HMCN2: variants seen among roughly 807,000 people sequenced by gnomAD.
The protein encoded by HMCN2 is hemicentin 2.
HMCN2 carries 325 observed loss-of-function variants against 377.5 expected under a neutral mutation model. That is an observed-to-expected ratio of 0.86 (90% CI 0.79 to 0.94). HMCN2 has a LOEUF of 0.94. Ranked by LOEUF, HMCN2 falls within the 40% of genes least tolerant of loss-of-function variation. The pLI is 0.00. For synonymous variants in HMCN2, 2,007 were observed against 2,046.8 expected (o/e 0.98, Z 0.53); for missense variants, 4,543 against 4,725.3 (o/e 0.96, Z 1.13).
chr9:130,290,119 A>T (rs1394423438), intron 4 of HMCN2, among the ~76,000 whole-genome samples: 2 of 152,148 alleles, frequency 1.3e-5, no homozygotes, highest in African/African-American at 4.8e-5. Flanking sequence ...CAGCCCCTCT[A>T]ACATCTGGAA....
chr9:130,352,014 G>A (rs897205684), intron 30 of HMCN2, among the ~76,000 whole-genome samples: 2 of 152,064 alleles, frequency 1.3e-5, no homozygotes, highest in Non-Finnish European at 2.9e-5. Flanking sequence ...GTTTCACCAT[G>A]TTGGCCAGGC....
Position 130,427,550 on chromosome 9 carries a change from G to A in HMCN2, c.13996G>A (p.Ala4666Thr). ...CCCCTGCTCCCATGCCTGCCTTAATGCACCCGGCCGCTTCTCCTGCACCTG... is the reference window on the plus strand; with the variant it reads ...CCCCTGCTCCCATGCCTGCCTTAATACACCCGGCCGCTTCTCCTGCACCTG... ...PSPCSHACLN[A>T]PGRFSCTCPT... The change falls in exon 92 of 98, where the codon GCA (alanine) becomes ACA (threonine). Residue 4666 changes from alanine to threonine, a missense_variant. This residue lies in a region of HMCN2 where 1,155 missense variants were observed against 1,157.7 expected (regional missense o/e 1.00). Transcript: ENST00000683500. The A allele has an allele frequency of 6.4e-7, 1 of 1,550,500 alleles. No individual in the cohort carries two copies. Among genetic ancestry groups the A allele is most frequent in the Non-Finnish European group, 8.7e-7 (1 of 1,146,980 alleles).
rs1844069574 is a variant in HMCN2, at chr9:130,422,386, C to T, written c.13232-191C>T. Among the ~76,000 whole-genome samples the T allele has an allele frequency of 6.6e-6, 1 of 152,206 alleles. No individual in the cohort carries two copies. Among genetic ancestry groups the T allele is most frequent in the Non-Finnish European group, 1.5e-5 (1 of 68,030 alleles). On this transcript the variant is annotated intron_variant, in intron 86 of 97. Transcript: ENST00000683500. The surrounding 1 kb of genome is among the most constrained non-coding windows in gnomAD (Gnocchi z 4.2). ...GCCCAGGGTTCCTCCTAACAGCCTC[C>T]CTTCCCTTTTAGAGCCAAGATCCCC...
At chr9:130,421,006 T>A (rs1843973579) in intron 86 of HMCN2, among the ~76,000 whole-genome samples, 1 of 152,178 alleles carries the variant, frequency 6.6e-6, no homozygotes, top group Non-Finnish European at 1.5e-5. Flanking sequence ...TTCTCTCCCA[T>A]AATTCAGTGA....
chr9:130,329,082 C>T (rs1160810552), intron 22 of HMCN2, among the ~76,000 whole-genome samples: 2 of 152,204 alleles, frequency 1.3e-5, no homozygotes, highest in African/African-American at 2.4e-5. Context: ...GCAGCCATCA[C>T]CATGATCAAT....
chr9:130,387,633 G>A (rs866473610), intron 61 of HMCN2, among the ~76,000 whole-genome samples: 25 of 152,232 alleles, frequency 1.6e-4, no homozygotes, highest in Admixed American at 3.9e-4. Context: ...GAGTGATCGT[G>A]GGCTCAGCTA....
In HMCN2 at chr9:130,361,966, A is replaced by C. The variant is rs1156468239; in HGVS notation, c.5951-42A>C. The C allele has an allele frequency of 1.0e-6, 1 of 984,346 alleles. No homozygotes were observed. The highest frequency in any genetic ancestry group is 1.2e-6 in the Non-Finnish European group (1 of 828,688). 61.0% of individuals were successfully genotyped at this position (984,346 alleles called of 1,614,324 possible). A position where few individuals can be genotyped will look rare whatever the true frequency, so the allele number is the denominator to read the frequency against. ...CCAGGGGCCCTGCCTGCTTTGCCCC[A>C]GTGGGGCTCAGCCTGTACCCCATGT... On this transcript the variant is annotated intron_variant, in intron 38 of 97. Coordinates refer to ENST00000683500, the MANE Select transcript of HMCN2 (RefSeq NM_001291815.2). This position sits in a 1 kb window ranked among gnomAD's most constrained non-coding sequence, Gnocchi z 4.8.
chr9:130,311,108 A>C (rs1837220133), intron 15 of HMCN2, among the ~76,000 whole-genome samples: 1 of 152,208 alleles, frequency 6.6e-6, no homozygotes, highest in Non-Finnish European at 1.5e-5. Flanking sequence ...AGCTGTGGGC[A>C]CAGCTCCTTG....
intron 4 of HMCN2, among the ~76,000 whole-genome samples, chr9:130,290,865 A>G (rs1554929842): frequency 1.6e-5 from 2 of 124,178 alleles, no homozygotes; most frequent in African/African-American, 2.8e-5. Context: ...TCAGTCTGAA[A>G]AAAAAAAAAA....
chr9:130,427,013 A>G (rs1844420077), intron 90 of HMCN2, among the ~76,000 whole-genome samples: 1 of 152,148 alleles, frequency 6.6e-6, no homozygotes, highest in South Asian at 2.1e-4. Context: ...TGGTCTCAGG[A>G]GAGCCGTTTT....
Position 130,360,680 on chromosome 9 carries a change from T to C in HMCN2, c.5950+76T>C. Reference sequence around the variant, plus strand: ...ATTCATTTGTCTATTAGTCTGTCCATCCACCTGTCCACTCATCCATCCATC... The same window carrying C: ...ATTCATTTGTCTATTAGTCTGTCCACCCACCTGTCCACTCATCCATCCATC... On this transcript the variant is annotated intron_variant, in intron 38 of 97. Transcript: ENST00000683500. The surrounding 1 kb of genome is among the most constrained non-coding windows in gnomAD (Gnocchi z 4.7). The C allele has an allele frequency of 1.2e-6, 1 of 848,936 alleles. No homozygotes were observed. The highest frequency in any genetic ancestry group is 1.6e-6 in the Non-Finnish European group (1 of 615,068). 52.6% of individuals were successfully genotyped at this position (848,936 alleles called of 1,614,324 possible).
chr9:130,412,919 A>T (rs7857135), intron 85 of HMCN2, among the ~76,000 whole-genome samples: 59,139 of 151,992 alleles, frequency 0.39, 11,967 homozygotes, highest in Middle Eastern at 0.51. Context: ...CATTTAGGTC[A>T]GTGATCCATT....
chr9:130,374,663 A>G lies in HMCN2; in HGVS notation c.7600A>G (p.Lys2534Glu). 1.0e-6 allele frequency: 1 copy of G among 985,806 alleles called. No individual in the cohort carries two copies. Among genetic ancestry groups the G allele is most frequent in the Non-Finnish European group, 1.2e-6 (1 of 829,948 alleles). 61.1% of individuals were successfully genotyped at this position (985,806 alleles called of 1,614,324 possible). A position where few individuals can be genotyped will look rare whatever the true frequency, so the allele number is the denominator to read the frequency against. ...CATTGCAGCCAACGCTGTTGGGGAG[A>G]AGACCAAACACTTCCAGCTCAGTGT... ...SCIAANAVGE[K>E]TKHFQLSVLL... is the part of the protein sequence containing the mutation. The change falls in exon 49 of 98, where the codon AAG (lysine) becomes GAG (glutamate). Residue 2534 changes from lysine to glutamate, a missense_variant. Lys to Glu is a moderately conservative substitution (Grantham distance 56). Transcript: ENST00000683500.
chr9:130,301,405 G>T (rs904985549), intron 8 of HMCN2, among the ~76,000 whole-genome samples: 1 of 152,260 alleles, frequency 6.6e-6, no homozygotes, highest in Non-Finnish European at 1.5e-5. Context: ...TAAAGTTGGG[G>T]AAGGGATTTG....
chr9:130,391,699 C>A, intron 65 of HMCN2, 125 bp downstream of exon 65: 1 of 882,936 alleles, frequency 1.1e-6, no homozygotes, highest in Non-Finnish European at 1.4e-6. Flanking sequence ...CCTCCATGGC[C>A]CATCCTCAAA....
intron 86 of HMCN2, among the ~76,000 whole-genome samples, chr9:130,420,512 G>T (rs1312169007): frequency 1.3e-5 from 2 of 152,124 alleles, no homozygotes; most frequent in Non-Finnish European, 2.9e-5. Context: ...CCACAAGCTG[G>T]AGGCTTAAGC....
chr9:130,401,000 A>C, intron 77 of HMCN2, 53 bp downstream of exon 77: 3 of 1,243,004 alleles, frequency 2.4e-6, no homozygotes, highest in Non-Finnish European at 3.1e-6. Context: ...CTGGGAGAGC[A>C]GGCAGAGGGG....
At chr9:130,285,584 C>T (rs1835375378) in intron 3 of HMCN2, among the ~76,000 whole-genome samples, 1 of 152,262 alleles carries the variant, frequency 6.6e-6, no homozygotes. Context: ...ATACCACCTA[C>T]TCCTTTCACC....
intron 84 of HMCN2, among the ~76,000 whole-genome samples, chr9:130,409,985 A>G (rs961718252): frequency 1.3e-5 from 2 of 152,178 alleles, no homozygotes; most frequent in African/African-American, 4.8e-5. Flanking sequence ...GTTCCATCAC[A>G]TATCCATGGG....
Sources: allele counts gnomAD v4.1 joint callset (sites outside exome capture counted in the v4.1 genomes callset), GRCh38; gene constraint gnomAD v4.1.1; regional missense constraint gnomAD v4.1.1; non-coding constraint Gnocchi (gnomAD v3.1); transcripts MANE v1.5; gene names NCBI Gene and HGNC (gene_info 2026-07-23, HGNC 2026-07-21).